PTPN14: variants seen among roughly 807,000 people sequenced by gnomAD.
The protein encoded by PTPN14 is protein tyrosine phosphatase non-receptor type 14, also known as tyrosine-protein phosphatase non-receptor type 14.
Under a neutral mutation model 126.8 loss-of-function variants are expected in PTPN14, and 53 were observed. The ratio of observed to expected loss-of-function variants is 0.42; its 90% CI spans 0.34 to 0.53. PTPN14 has a LOEUF of 0.53. Among genes scored for constraint, PTPN14 ranks in the 20% least tolerant of loss-of-function variants. The pLI is 0.08. For missense variants in PTPN14, 1,257 were observed against 1,552.9 expected, an observed-to-expected ratio of 0.81 and a Z score of 3.20; for synonymous variants, 630 against 599.3, an observed-to-expected ratio of 1.05 and a Z score of -0.75.
intron 1 of PTPN14, among the ~76,000 whole-genome samples, chr1:214,512,929 C>T (rs902683267): frequency 4.6e-5 from 7 of 152,002 alleles, no homozygotes; most frequent in Admixed American, 1.3e-4. Flanking sequence ...TAGACTCATG[C>T]GATCTGCCCG....
chr1:214,535,009 A>G (rs1463221649), intron 1 of PTPN14, among the ~76,000 whole-genome samples: 1 of 152,204 alleles, frequency 6.6e-6, no homozygotes, highest in Non-Finnish European at 1.5e-5. Flanking sequence ...AAACATGACA[A>G]GTTATATAGT....
At chr1:214,368,216 A>ATTTATTTATTTATTTATTTAT (rs1658131008) in intron 17 of PTPN14, among the ~76,000 whole-genome samples, 1 of 151,438 alleles carries the variant, frequency 6.6e-6, no homozygotes, top group Non-Finnish European at 1.5e-5. Flanking sequence ...TTATTTATTT[A>ATTTATTTATTTATTTATTTAT]TTTATTTTTG....
At chr1:214,519,840 A>G (rs1389277459) in intron 1 of PTPN14, among the ~76,000 whole-genome samples, 1 of 151,886 alleles carries the variant, frequency 6.6e-6, no homozygotes, top group African/African-American at 2.4e-5. Context: ...GCTTTAGCCC[A>G]GGAGTTCAAA....
chr1:214,438,225 T>C (rs1043204605), intron 3 of PTPN14, among the ~76,000 whole-genome samples: 1 of 152,176 alleles, frequency 6.6e-6, no homozygotes, highest in Non-Finnish European at 1.5e-5. Flanking sequence ...GCTTCCCTGT[T>C]CTGAACAGCT....
intron 1 of PTPN14, among the ~76,000 whole-genome samples, chr1:214,500,280 C>T (rs932319891): frequency 6.6e-6 from 1 of 152,088 alleles, no homozygotes. Context: ...GGGACAAAGG[C>T]AGACTCTGGA....
intron 3 of PTPN14, among the ~76,000 whole-genome samples, chr1:214,429,528 CAGG>C (rs1659749227): frequency 6.6e-6 from 1 of 152,192 alleles, no homozygotes; most frequent in Non-Finnish European, 1.5e-5. Context: ...AGGTGACTTT[CAGG>C]AGATCAAGGA....
chr1:214,450,848 A>G (rs1660258002), intron 3 of PTPN14, among the ~76,000 whole-genome samples: 1 of 152,176 alleles, frequency 6.6e-6, no homozygotes, highest in Non-Finnish European at 1.5e-5. Context: ...ACTTACACAA[A>G]TCCCTCACTT....
rs779138033 is a variant in PTPN14 at position 214,414,717 on chromosome 1, A to G, written c.354T>C (p.Tyr118=). 1 of 1,612,652 alleles carries G rather than the reference A, an allele frequency of 6.2e-7. No homozygotes were observed. Among genetic ancestry groups the G allele is most frequent in the South Asian group, 1.1e-5 (1 of 91,058 alleles). ...WLQQEATRYQ[Y]YLQVKKDVLE... is the part of the protein sequence containing the mutation. ...GCACATCTTTTTTGACTTGCAGGTAATACTGATATCTGTTCATGGGAATAG... is the reference window on the plus strand; with the variant it reads ...GCACATCTTTTTTGACTTGCAGGTAGTACTGATATCTGTTCATGGGAATAG... The change falls in exon 4 of 19, where the codon TAT becomes TAC. Residue 118 remains tyrosine, a synonymous_variant. Transcript: ENST00000366956.
intron 16 of PTPN14, among the ~76,000 whole-genome samples, chr1:214,371,323 C>T (rs905875741): frequency 2.0e-5 from 3 of 152,172 alleles, no homozygotes; most frequent in Admixed American, 6.5e-5. Flanking sequence ...AGCCTTCCAG[C>T]AAGTGTGCAA....
At chr1:214,486,623 C>T (rs1044025842) in intron 1 of PTPN14, among the ~76,000 whole-genome samples, 6 of 152,006 alleles carry the variant, frequency 3.9e-5, no homozygotes, top group East Asian at 1.9e-4. Flanking sequence ...CAGAACAAAA[C>T]GGAAAAAAAC....
chr1:214,546,855 T>G (rs1396360963), intron 1 of PTPN14, among the ~76,000 whole-genome samples: 1 of 152,146 alleles, frequency 6.6e-6, no homozygotes, highest in East Asian at 1.9e-4. Flanking sequence ...ACATGTAAGG[T>G]TGATCTAAGA....
intron 1 of PTPN14, among the ~76,000 whole-genome samples, chr1:214,479,907 T>TTACG (rs75393653): frequency 1.3e-5 from 2 of 152,272 alleles, no homozygotes; most frequent in South Asian, 2.1e-4. Flanking sequence ...ATCATTTTAA[T>TTACG]TATGTTTAAT....
chr1:214,354,619 T>C lies in PTPN14; in HGVS notation c.*3303A>G, dbSNP rs929544622. ...ATGAAGACATCAAATTCAGCCCCCA[T>C]GATTCAGGGACCACAGTAAACAAGG... is the stretch of plus-strand genomic sequence containing the variant. On this transcript the variant is annotated 3_prime_UTR_variant, in exon 19 of 19. Coordinates refer to ENST00000366956, the MANE Select transcript of PTPN14 (RefSeq NM_005401.5). 1.3e-5 allele frequency: 2 copies of C among 152,230 alleles called. No homozygotes were observed. Among genetic ancestry groups the C allele is most frequent in the Non-Finnish European group, 2.9e-5 (2 of 68,054 alleles). 9.4% of individuals were successfully genotyped at this position (152,230 alleles called of 1,614,324 possible).
chr1:214,490,863 G>A (rs1661217936), intron 1 of PTPN14, among the ~76,000 whole-genome samples: 1 of 18,610 alleles, frequency 5.4e-5, no homozygotes, highest in Non-Finnish European at 1.1e-4. Flanking sequence ...GGGAAGGGAG[G>A]GGAGGGGAGG....
chr1:214,546,019 C>A (rs1655960341), intron 1 of PTPN14, among the ~76,000 whole-genome samples: 1 of 152,182 alleles, frequency 6.6e-6, no homozygotes, highest in Non-Finnish European at 1.5e-5. Flanking sequence ...ATTAACCAAG[C>A]CTCTCTGCAG....
chr1:214,470,800 A>C (rs1660736699), intron 1 of PTPN14, among the ~76,000 whole-genome samples: 1 of 149,448 alleles, frequency 6.7e-6, no homozygotes, highest in South Asian at 2.1e-4. Context: ...AAAAAAAAAA[A>C]ACTGCACTTG....
chr1:214,431,532 A>G (rs1301635475), intron 3 of PTPN14, among the ~76,000 whole-genome samples: 1 of 152,228 alleles, frequency 6.6e-6, no homozygotes, highest in Non-Finnish European at 1.5e-5. Context: ...GTCTGACTGT[A>G]AAGCCTGTGC....
intron 1 of PTPN14, among the ~76,000 whole-genome samples, chr1:214,517,238 C>T (rs1357750174): frequency 6.6e-6 from 1 of 152,112 alleles, no homozygotes; most frequent in Admixed American, 6.5e-5. Flanking sequence ...GGTCAGTGTA[C>T]TATAAAATTT....
chr1:214,465,621 A>AT (rs1660617279), intron 1 of PTPN14, among the ~76,000 whole-genome samples: 4 of 151,998 alleles, frequency 2.6e-5, no homozygotes, highest in South Asian at 2.1e-4. Flanking sequence ...TCTGTCTCAA[A>AT]CAAAAAAAAT....
Sources: allele counts gnomAD v4.1 joint callset (sites outside exome capture counted in the v4.1 genomes callset), GRCh38; gene constraint gnomAD v4.1.1; transcripts MANE v1.5; gene names NCBI Gene and HGNC (gene_info 2026-07-23, HGNC 2026-07-21).